Variants in MECOM observed in about 807,000 individuals in gnomAD.
MECOM encodes histone-lysine N-methyltransferase MECOM.
MECOM carries 13 observed loss-of-function variants against 116.3 expected under a neutral mutation model. The ratio of observed to expected loss-of-function variants is 0.11; its 90% CI spans 0.07 to 0.18. The LOEUF (loss-of-function observed/expected upper bound fraction) is 0.18. MECOM is among the 10% of genes least tolerant of loss of function. The pLI is 1.00. For synonymous variants in MECOM, 528 were observed against 535.2 expected (o/e 0.99, Z 0.19); for missense variants, 1,299 against 1,509.0 (o/e 0.86, Z 2.31).
intron 2 of MECOM, among the ~76,000 whole-genome samples, chr3:169,144,486 G>C (rs1030564492): frequency 6.6e-6 from 1 of 152,128 alleles, no homozygotes; most frequent in Non-Finnish European, 1.5e-5. Context: ...GCAAAATAAA[G>C]CTGGCTCCTT....
In MECOM at chr3:169,417,709, A is replaced by G. The variant is rs1578038264; in HGVS notation, c.38-36185T>C. On this transcript the variant is annotated intron_variant, in intron 1 of 16. Coordinates refer to ENST00000651503, the MANE Select transcript of MECOM (RefSeq NM_004991.4). ...AATAGCAAAGACTTGGAACCAACCC[A>G]AATGTCCAACAATGATAGACTGGAT... Among the ~76,000 whole-genome samples, 4 of 152,044 alleles carry G rather than the reference A, an allele frequency of 2.6e-5. No homozygotes were observed. In the East Asian group the frequency reaches 7.8e-4, roughly 29 times the overall value.
intron 1 of MECOM, among the ~76,000 whole-genome samples, chr3:169,451,589 A>G (rs1745609954): frequency 6.6e-6 from 1 of 152,124 alleles, no homozygotes; most frequent in South Asian, 2.1e-4. Flanking sequence ...TCTTATGCCT[A>G]TTTCTTAGAA....
intron 12 of MECOM, among the ~76,000 whole-genome samples, chr3:169,098,325 G>C (rs1340029821): frequency 6.6e-6 from 1 of 152,108 alleles, no homozygotes; most frequent in African/African-American, 2.4e-5. Flanking sequence ...CAGTTCCTCA[G>C]TCTTTCCTTG....
At chr3:169,378,563 A>G (rs1400166310) in intron 2 of MECOM, among the ~76,000 whole-genome samples, 1 of 138,390 alleles carries the variant, frequency 7.2e-6, no homozygotes, top group Non-Finnish European at 1.5e-5. Context: ...AGAAAGAAAG[A>G]AAGAAAGAAA....
intron 8 of MECOM, among the ~76,000 whole-genome samples, chr3:169,114,743 G>A (rs1423978702): frequency 1.3e-5 from 2 of 152,024 alleles, no homozygotes; most frequent in Non-Finnish European, 2.9e-5. Flanking sequence ...TGCCAAAAAG[G>A]CCTTTTATTA....
chr3:169,276,552 C>CAAA (rs58452538), intron 2 of MECOM, among the ~76,000 whole-genome samples: 30 of 47,704 alleles, frequency 6.3e-4, no homozygotes, highest in Non-Finnish European at 7.8e-4. Context: ...GACTCTGCCT[C>CAAA]AAAAAAAAAA....
intron 1 of MECOM, among the ~76,000 whole-genome samples, chr3:169,485,953 G>GTATATATA (rs1560340522): frequency 1.6e-4 from 17 of 103,984 alleles, no homozygotes; most frequent in African/African-American, 6.8e-4. Context: ...ATGTATATAT[G>GTATATATA]TACATATATA....
At chr3:169,452,134 T>C (rs1745706995) in intron 1 of MECOM, among the ~76,000 whole-genome samples, 1 of 152,026 alleles carries the variant, frequency 6.6e-6, no homozygotes, top group Non-Finnish European at 1.5e-5. Flanking sequence ...TCAATCAATA[T>C]TCTCAGATGC....
chr3:169,393,809 T>A (rs1313424454), intron 1 of MECOM, among the ~76,000 whole-genome samples: 1 of 152,136 alleles, frequency 6.6e-6, no homozygotes, highest in Non-Finnish European at 1.5e-5. Context: ...AACCTCAGGA[T>A]AATCAATTGA....
At chr3:169,654,249 C>T (rs1775259426) in intron 1 of MECOM, among the ~76,000 whole-genome samples, 1 of 152,142 alleles carries the variant, frequency 6.6e-6, no homozygotes, top group Admixed American at 6.5e-5. Flanking sequence ...TTAATTTTAC[C>T]TGTTATTCAC....
chr3:169,522,054 C>T (rs1265143094), intron 1 of MECOM, among the ~76,000 whole-genome samples: 6 of 152,056 alleles, frequency 3.9e-5, no homozygotes, highest in African/African-American at 1.4e-4. Context: ...TTTTGGTATC[C>T]GTGAAGGGTC....
intron 1 of MECOM, among the ~76,000 whole-genome samples, chr3:169,407,475 C>T (rs1406882719): frequency 6.6e-6 from 1 of 152,176 alleles, no homozygotes; most frequent in African/African-American, 2.4e-5. Flanking sequence ...TTTATTATTA[C>T]TGTAATAGAA....
intron 2 of MECOM, among the ~76,000 whole-genome samples, chr3:169,373,504 C>T (rs981964361): frequency 6.6e-6 from 1 of 152,004 alleles, no homozygotes; most frequent in African/African-American, 2.4e-5. Context: ...GAGACTACCA[C>T]ATTTCTCTAC....
intron 1 of MECOM, among the ~76,000 whole-genome samples, chr3:169,506,638 G>T (rs1755258203): frequency 6.6e-6 from 1 of 151,944 alleles, no homozygotes; most frequent in African/African-American, 2.4e-5. Flanking sequence ...TTTCTTCCAG[G>T]GGTTATATAT....
chr3:169,245,904 C>G (rs784282), intron 2 of MECOM, among the ~76,000 whole-genome samples: 14,054 of 152,184 alleles, frequency 0.092, 749 homozygotes, highest in African/African-American at 0.14. Flanking sequence ...GAGGGAAAAA[C>G]TTATAATCTA....
intron 1 of MECOM, among the ~76,000 whole-genome samples, chr3:169,547,150 C>A (rs1760816908): frequency 6.6e-6 from 1 of 152,074 alleles, no homozygotes; most frequent in Non-Finnish European, 1.5e-5. Flanking sequence ...GGTAGATTTC[C>A]CCCTTGCTGT....
chr3:169,566,092 C>G, intron 1 of MECOM: 7 of 333,694 alleles, frequency 2.1e-5, no homozygotes, highest in South Asian at 1.6e-4. Context: ...CTGCCAAATA[C>G]TTGTAAACCA....
chr3:169,149,624 C>G (rs779643534), intron 2 of MECOM: 2 of 470,886 alleles, frequency 4.2e-6, no homozygotes, highest in South Asian at 3.1e-5. Context: ...TTCCGAGCTA[C>G]GAGAGGAAGG....
At chr3:169,450,891 G>A (rs535560820) in intron 1 of MECOM, among the ~76,000 whole-genome samples, 70 of 152,270 alleles carry the variant, frequency 4.6e-4, no homozygotes, top group Non-Finnish European at 8.7e-4. Flanking sequence ...AATGGGAACC[G>A]AATGCAAAAG....
Sources: allele counts gnomAD v4.1 joint callset (sites outside exome capture counted in the v4.1 genomes callset), GRCh38; gene constraint gnomAD v4.1.1; transcripts MANE v1.5; gene names NCBI Gene and HGNC (gene_info 2026-07-23, HGNC 2026-07-21).